The following SMS variants were observed in gnomAD, a reference collection of about 807,000 sequenced individuals.
SMS encodes spermine synthase.
In SMS, 3 loss-of-function variants were observed where a neutral mutation model predicts 33.0. The ratio of observed to expected loss-of-function variants is 0.09; its 90% CI spans 0.04 to 0.23. The LOEUF (loss-of-function observed/expected upper bound fraction) is 0.23. SMS is among the 10% of genes least tolerant of loss of function. The pLI, the probability that SMS is intolerant of heterozygous loss-of-function variation, is 1.00. For synonymous variants in SMS, 103 were observed against 112.2 expected, an observed-to-expected ratio of 0.92 and a Z score of 0.52; for missense variants, 117 against 288.6, an observed-to-expected ratio of 0.41 and a Z score of 4.31.
chrX:21,983,516 C>G (rs1000843878), intron 7 of SMS, among the ~76,000 whole-genome samples: 8 of 111,561 alleles, frequency 7.2e-5, no homozygotes, highest in African/African-American at 2.6e-4. Context: ...AAAGATACAG[C>G]CAACCTCAAA....
chrX:21,992,148 C>A (rs751529436), intron 9 of SMS, among the ~76,000 whole-genome samples: 15 of 112,469 alleles, frequency 1.3e-4, no homozygotes, highest in Non-Finnish European at 2.8e-4. Context: ...GAATATAGTT[C>A]TGTGTCAACA....
At chrX:21,966,758 C>T (rs1183306048) in intron 1 of SMS, among the ~76,000 whole-genome samples, 1 of 112,116 alleles carries the variant, frequency 8.9e-6, no homozygotes, top group Non-Finnish European at 1.9e-5. Context: ...GACAGGTATC[C>T]CCTTTCTAGT....
At chrX:21,987,489 G>T (rs1925430286) in intron 9 of SMS, among the ~76,000 whole-genome samples, 1 of 112,052 alleles carries the variant, frequency 8.9e-6, no homozygotes, top group Admixed American at 9.5e-5. Context: ...CCATTGCCAT[G>T]CCTGGCTAAT....
chrX:21,952,126 A>G (rs1922645056), intron 1 of SMS, among the ~76,000 whole-genome samples: 1 of 111,934 alleles, frequency 8.9e-6, no homozygotes, highest in African/African-American at 3.2e-5. Flanking sequence ...TATGTGCCTT[A>G]CTGTGCTGGC....
Position 21,977,091 on chromosome X carries a change from C to T in SMS, c.360C>T (p.Ile120=), listed in dbSNP as rs771728737. ...RLPPIVRGGA[I]DRYWPTADGR... ...CACCCATAGTGCGAGGAGGAGCCAT[C>T]GACAGATACTGGCCCACCGCCGACG... The change falls in exon 5 of 11, where the codon ATC becomes ATT. Residue 120 remains isoleucine, a synonymous_variant. Transcript: ENST00000404933. 5 of 1,210,398 alleles carry T rather than the reference C, an allele frequency of 4.1e-6. No homozygotes were observed. The highest frequency in any genetic ancestry group is 4.5e-6 in the Non-Finnish European group (4 of 894,255).
chrX:21,954,654 G>A (rs1043908522), intron 1 of SMS, among the ~76,000 whole-genome samples: 1 of 111,722 alleles, frequency 9.0e-6, no homozygotes, highest in Non-Finnish European at 1.9e-5. Context: ...ATATACTCTG[G>A]TAAAGCCACA....
rs372094407 is a variant in SMS, at chrX:21,965,584, C to CAAAAAAAAAAAAAAAAAAAAAAAAAA, written c.50-1595_50-1594insAAAAAAAAAAAAAAAAAAAAAAAAAA. On this transcript the variant is annotated intron_variant, in intron 1 of 10. Transcript: ENST00000404933. ...TGAAACCCCGTCTCTACTACAAATA[C>CAAAAAAAAAAAAAAAAAAAAAAAAAA]AAAAAAAAAAAAAAAAAGCCGGGCG... Among the ~76,000 whole-genome samples, 4 of 60,642 alleles carry CAAAAAAAAAAAAAAAAAAAAAAAAAA rather than the reference C, an allele frequency of 6.6e-5. 2 individuals are homozygous for CAAAAAAAAAAAAAAAAAAAAAAAAAA. The highest frequency in any genetic ancestry group is 1.8e-4 in the African/African-American group (2 of 11,064). 52.7% of individuals were successfully genotyped at this position (60,642 alleles called of 115,157 possible).
chrX:21,950,560 C>T (rs971610953), intron 1 of SMS, among the ~76,000 whole-genome samples: 5 of 107,977 alleles, frequency 4.6e-5, no homozygotes, highest in East Asian at 2.9e-4. Flanking sequence ...AGGTTTTAGA[C>T]CCTGCATGCA....
At chrX:21,946,746 C>T (rs1317097628) in intron 1 of SMS, among the ~76,000 whole-genome samples, 1 of 111,871 alleles carries the variant, frequency 8.9e-6, no homozygotes, top group Non-Finnish European at 1.9e-5. Flanking sequence ...TCCCCTGCGG[C>T]ATTGACAGCC....
At chrX:21,957,365 C>T (rs993609900) in intron 1 of SMS, among the ~76,000 whole-genome samples, 3 of 109,723 alleles carry the variant, frequency 2.7e-5, no homozygotes, top group East Asian at 2.9e-4. Flanking sequence ...GGCACCGTCT[C>T]GGCTCACTGC....
At chrX:21,949,547 A>G (rs1451269497) in intron 1 of SMS, among the ~76,000 whole-genome samples, 1 of 112,285 alleles carries the variant, frequency 8.9e-6, no homozygotes, top group Non-Finnish European at 1.9e-5. Flanking sequence ...TTAAAGCAGA[A>G]TTTTAAAAGG....
chrX:21,992,851 G>A, intron 10 of SMS, 139 bp downstream of exon 10: 1 of 414,411 alleles, frequency 2.4e-6, no homozygotes, highest in Non-Finnish European at 4.2e-6. Context: ...CAGCTTAGGT[G>A]CACATTGGAA....
intron 2 of SMS, among the ~76,000 whole-genome samples, chrX:21,970,277 C>T (rs983234537): frequency 1.8e-5 from 2 of 111,206 alleles, no homozygotes; most frequent in Non-Finnish European, 1.9e-5. Flanking sequence ...TCCCTGCCCC[C>T]GGACCCCAGG....
chrX:21,973,085 G>C (rs1200857030), intron 4 of SMS, among the ~76,000 whole-genome samples: 1 of 111,390 alleles, frequency 9.0e-6, no homozygotes, highest in African/African-American at 3.3e-5. Flanking sequence ...TCATGTGCAT[G>C]GATGCACACA....
At chrX:21,987,931 A>G (rs1181303775) in intron 9 of SMS, among the ~76,000 whole-genome samples, 5 of 112,546 alleles carry the variant, frequency 4.4e-5, no homozygotes, top group African/African-American at 6.5e-5. Context: ...CTTGCTTAGA[A>G]TACTACCACA....
At chrX:21,960,007 AG>A in intron 1 of SMS, 1 of 598,508 alleles carries the variant, frequency 1.7e-6, no homozygotes, top group African/African-American at 2.7e-5. Context: ...TGGGCGGGGA[AG>A]GCGTGAGTGA....
chrX:21,981,664 A>G (rs1272187916), intron 7 of SMS, among the ~76,000 whole-genome samples: 2 of 111,991 alleles, frequency 1.8e-5, no homozygotes, highest in Admixed American at 1.9e-4. Flanking sequence ...GCGTTAGTTG[A>G]GTTAGTGTGT....
intron 9 of SMS, among the ~76,000 whole-genome samples, chrX:21,985,635 C>T (rs1410973558): frequency 9.0e-6 from 1 of 111,600 alleles, no homozygotes; most frequent in Non-Finnish European, 1.9e-5. Flanking sequence ...ATATATATCT[C>T]CTATTGAAAT....
At chrX:21,967,088 A>G (rs1228839740) in intron 1 of SMS, 108 bp from the exon 2 acceptor site, 1 of 208,147 alleles carries the variant, frequency 4.8e-6, no homozygotes, top group Non-Finnish European at 6.9e-6. Flanking sequence ...TTATTTATTT[A>G]TTTACTTATT....
Sources: gnomAD v4.1 joint callset for allele counts (sites outside exome capture counted in the v4.1 genomes callset) on GRCh38, gnomAD v4.1.1 for gene constraint, MANE v1.5 for transcripts, NCBI Gene and HGNC (gene_info 2026-07-23, HGNC 2026-07-21) for gene names.